The following DENND4A variants were observed in gnomAD, a reference collection of about 807,000 sequenced individuals.
DENND4A encodes C-myc promoter-binding protein.
In DENND4A, 70 loss-of-function variants were observed where a neutral mutation model predicts 199.3. That is an observed-to-expected ratio of 0.35 (90% CI 0.29 to 0.43). The LOEUF (loss-of-function observed/expected upper bound fraction) is 0.43, where lower values mean the gene tolerates loss of function less well. Among genes scored for constraint, DENND4A ranks in the 20% least tolerant of loss-of-function variants. The pLI is 1.00. For missense variants in DENND4A, 1,723 were observed against 2,255.8 expected (o/e 0.76, Z 4.78); for synonymous variants, 686 against 766.9 (o/e 0.89, Z 1.74).
chr15:65,735,369 C>A (rs1427825032), intron 7 of DENND4A, among the ~76,000 whole-genome samples: 1 of 152,164 alleles, frequency 6.6e-6, no homozygotes, highest in Non-Finnish European at 1.5e-5. Flanking sequence ...CAGAACCAGA[C>A]TCTGTGTCAA....
intron 25 of DENND4A, among the ~76,000 whole-genome samples, chr15:65,671,395 T>C (rs1369967895): frequency 6.6e-6 from 1 of 152,208 alleles, no homozygotes; most frequent in Non-Finnish European, 1.5e-5. Context: ...CTTATTATTT[T>C]TTCTCTTTTT....
rs554493363 is a variant in DENND4A at position 65,669,715 on chromosome 15, T to C, written c.4787+64A>G. 215 of 1,401,994 alleles carry C rather than the reference T, an allele frequency of 1.5e-4. No homozygotes were observed. The African/African-American group carries it at 2.8e-3, about 18-fold the overall frequency. 86.8% of individuals were successfully genotyped at this position (1,401,994 alleles called of 1,614,324 possible). A position where few individuals can be genotyped will look rare whatever the true frequency, so the allele number is the denominator to read the frequency against. On this transcript the variant is annotated intron_variant, in intron 27 of 32. Coordinates refer to ENST00000443035, the MANE Select transcript of DENND4A (RefSeq NM_001320835.1). ...TGGAAATGGTCAACTAATTTTTCTGTCATACTTCTAAAATATGTGTAAATA... is the reference window on the plus strand; with the variant it reads ...TGGAAATGGTCAACTAATTTTTCTGCCATACTTCTAAAATATGTGTAAATA...
Position 65,664,507 on chromosome 15 carries a change from A to C in DENND4A, c.5522+53T>G, listed in dbSNP as rs2075973089. ...GATATTCTAACAAATTACTAAGCAA[A>C]CAATATGAATCTGCCTAGGAGAACA... On this transcript the variant is annotated intron_variant, in intron 31 of 32. Coordinates refer to ENST00000443035, the MANE Select transcript of DENND4A (RefSeq NM_001320835.1). 1.9e-6 allele frequency: 3 copies of C among 1,569,664 alleles called. No individual in the cohort carries two copies. In the East Asian group the frequency reaches 6.7e-5, roughly 35 times the overall value.
chr15:65,693,452 A>T (rs890198685), intron 22 of DENND4A, among the ~76,000 whole-genome samples: 1 of 152,078 alleles, frequency 6.6e-6, no homozygotes, highest in African/African-American at 2.4e-5. Context: ...AATAAACTGC[A>T]ACTTCTTTAA....
chr15:65,721,594 A>T (rs1212542651), intron 12 of DENND4A, among the ~76,000 whole-genome samples: 4 of 64,400 alleles, frequency 6.2e-5, no homozygotes, highest in East Asian at 3.7e-3. Context: ...GACTCCACTT[A>T]AAAAAAAAAA....
At chr15:65,714,818 C>A (rs550168486) in intron 14 of DENND4A, among the ~76,000 whole-genome samples, 91 of 152,254 alleles carry the variant, frequency 6.0e-4, no homozygotes, top group African/African-American at 2.1e-3. Context: ...CCATGTTAGA[C>A]CATGCCTCTC....
intron 10 of DENND4A, 122 bp downstream of exon 10, chr15:65,729,412 T>C: frequency 6.9e-7 from 1 of 1,446,588 alleles, no homozygotes. Context: ...AAAACTGCTT[T>C]CAAAAAACAC....
intron 7 of DENND4A, among the ~76,000 whole-genome samples, chr15:65,735,569 T>C (rs1304005419): frequency 1.3e-5 from 2 of 152,188 alleles, no homozygotes; most frequent in African/African-American, 4.8e-5. Context: ...TACTATATAA[T>C]TGCAGTAAAA....
At chr15:65,669,507 A>AT (rs1158870931) in intron 27 of DENND4A, among the ~76,000 whole-genome samples, 2 of 151,950 alleles carry the variant, frequency 1.3e-5, no homozygotes, top group Non-Finnish European at 2.9e-5. Flanking sequence ...AGTGTTCTAC[A>AT]TTTTTTTTAC....
chr15:65,722,678 T>C (rs766540137), intron 12 of DENND4A, among the ~76,000 whole-genome samples, 170 bp downstream of exon 12: 4 of 152,154 alleles, frequency 2.6e-5, no homozygotes, highest in Non-Finnish European at 5.9e-5. Context: ...ATACACATTT[T>C]ATAAATCTCT....
At chr15:65,717,388 T>G (rs2075440624) in intron 13 of DENND4A, among the ~76,000 whole-genome samples, 1 of 152,168 alleles carries the variant, frequency 6.6e-6, no homozygotes, top group Admixed American at 6.5e-5. Flanking sequence ...TATTTGAAAA[T>G]ATTTGTAAAG....
intron 14 of DENND4A, among the ~76,000 whole-genome samples, chr15:65,710,583 CA>C (rs199780625): frequency 6.6e-6 from 1 of 150,778 alleles, no homozygotes. Flanking sequence ...TCTTTATATA[CA>C]AAAAAAAACC....
At chr15:65,741,547 T>C (rs1379353983) in intron 5 of DENND4A, among the ~76,000 whole-genome samples, 168 bp downstream of exon 5, 1 of 152,220 alleles carries the variant, frequency 6.6e-6, no homozygotes, top group East Asian at 1.9e-4. Flanking sequence ...TAATCTTCCA[T>C]CAAGCATCCA....
intron 23 of DENND4A, among the ~76,000 whole-genome samples, chr15:65,686,164 T>C (rs1596434653): frequency 6.6e-6 from 1 of 152,208 alleles, no homozygotes. Flanking sequence ...GAACATGGCA[T>C]GTCTCTCCAT....
At chr15:65,786,735 A>G (rs1382453546) in intron 1 of DENND4A, among the ~76,000 whole-genome samples, 4 of 152,048 alleles carry the variant, frequency 2.6e-5, no homozygotes, top group Non-Finnish European at 4.4e-5. Flanking sequence ...TAAGTAGCAG[A>G]GTCAAGATTC....
At chr15:65,671,536 C>G (rs952031787) in intron 25 of DENND4A, among the ~76,000 whole-genome samples, 1 of 152,152 alleles carries the variant, frequency 6.6e-6, no homozygotes, top group East Asian at 1.9e-4. Context: ...ATTACAGGTG[C>G]CTGCCACCAT....
intron 22 of DENND4A, 44 bp downstream of exon 22, chr15:65,696,322 T>C: frequency 2.5e-6 from 4 of 1,583,290 alleles, no homozygotes; most frequent in Non-Finnish European, 3.4e-6. Context: ...GTCATACAGA[T>C]ACAATTTATT....
chr15:65,706,037 C>T (rs1481588172), intron 15 of DENND4A, 54 bp downstream of exon 15: 25 of 1,435,490 alleles, frequency 1.7e-5, no homozygotes, highest in Non-Finnish European at 2.2e-5. Flanking sequence ...AGCTACGTCA[C>T]AGATGATGGA....
Position 65,661,087 on chromosome 15 carries a change from G to T in DENND4A, c.*764C>A, listed in dbSNP as rs2075832835. The T allele has an allele frequency of 6.6e-6, 1 of 151,874 alleles. No individual in the cohort carries two copies. Among genetic ancestry groups the T allele is most frequent in the African/African-American group, 2.4e-5 (1 of 41,316 alleles). 9.4% of individuals were successfully genotyped at this position (151,874 alleles called of 1,614,324 possible). A position where few individuals can be genotyped will look rare whatever the true frequency, so the allele number is the denominator to read the frequency against. On this transcript the variant is annotated 3_prime_UTR_variant, in exon 33 of 33. Coordinates refer to ENST00000443035, the MANE Select transcript of DENND4A (RefSeq NM_001320835.1). ...AGTCATGGTATAGTGAACCTCTCTG[G>T]CTCTCCTTGCACAAGGCTCCATGAG...
Sources: gnomAD v4.1 joint callset for allele counts (sites outside exome capture counted in the v4.1 genomes callset) on GRCh38, gnomAD v4.1.1 for gene constraint, MANE v1.5 for transcripts, NCBI Gene and HGNC (gene_info 2026-07-23, HGNC 2026-07-21) for gene names.